Variants in KSR2 observed in about 807,000 individuals in gnomAD.
KSR2 encodes kinase suppressor of ras 2.
A neutral mutation model predicts 107.8 loss-of-function variants in KSR2; 25 were observed. The ratio of observed to expected loss-of-function variants is 0.23; its 90% confidence interval spans 0.17 to 0.32. The LOEUF is 0.32. KSR2 is among the 10% of genes least tolerant of loss of function. The pLI is 1.00. For synonymous variants in KSR2, 480 were observed against 507.0 expected, an observed-to-expected ratio of 0.95 and a Z score of 0.71; for missense variants, 887 against 1,268.9, an observed-to-expected ratio of 0.70 and a Z score of 4.57.
intron 3 of KSR2, among the ~76,000 whole-genome samples, chr12:117,777,107 T>TATATATACAC (rs58787858): frequency 2.7e-3 from 178 of 66,144 alleles, no homozygotes; most frequent in African/African-American, 0.01. Context: ...TATATATATA[T>TATATATACAC]ACACACACAC....
At chr12:117,809,066 C>A (rs1224542504) in intron 3 of KSR2, among the ~76,000 whole-genome samples, 1 of 152,136 alleles carries the variant, frequency 6.6e-6, no homozygotes, top group Non-Finnish European at 1.5e-5. Context: ...GACTCCCCAC[C>A]CCCCGCCTCT....
intron 5 of KSR2, among the ~76,000 whole-genome samples, chr12:117,655,261 T>C (rs1038257572): frequency 2.0e-5 from 3 of 152,210 alleles, no homozygotes; most frequent in East Asian, 1.9e-4. Flanking sequence ...CCACACAGCA[T>C]TGCCTCTGAC....
At chr12:117,793,938 CA>C (rs1890436006) in intron 3 of KSR2, among the ~76,000 whole-genome samples, 1 of 133,208 alleles carries the variant, frequency 7.5e-6, no homozygotes, top group African/African-American at 2.9e-5. Flanking sequence ...ACCATGCACA[CA>C]TACACCAACA....
intron 3 of KSR2, among the ~76,000 whole-genome samples, chr12:117,827,081 T>C (rs1342859970): frequency 6.6e-6 from 1 of 151,066 alleles, no homozygotes; most frequent in Non-Finnish European, 1.5e-5. Context: ...AGTAGCTCTC[T>C]TTTATAGATG....
intron 4 of KSR2, among the ~76,000 whole-genome samples, chr12:117,669,433 C>T (rs1270197062): frequency 6.6e-6 from 1 of 152,132 alleles, no homozygotes; most frequent in Non-Finnish European, 1.5e-5. Context: ...AACAGAGCTA[C>T]TCGTCCACAT....
intron 4 of KSR2, among the ~76,000 whole-genome samples, chr12:117,697,357 G>A (rs769037017): frequency 1.3e-5 from 2 of 152,188 alleles, no homozygotes; most frequent in Non-Finnish European, 2.9e-5. Flanking sequence ...TCTTGATCAG[G>A]GAGCTGGTTA....
chr12:117,953,819 G>A (rs1566097857), intron 1 of KSR2, among the ~76,000 whole-genome samples: 1 of 152,222 alleles, frequency 6.6e-6, no homozygotes. Context: ...AGGGCACAGT[G>A]ACTCATGCCT....
intron 5 of KSR2, among the ~76,000 whole-genome samples, chr12:117,633,069 T>C (rs1017245452): frequency 3.3e-5 from 5 of 152,216 alleles, no homozygotes; most frequent in African/African-American, 1.2e-4. Flanking sequence ...TCAGGTACAA[T>C]TGTTAAAAAG....
chr12:117,877,874 C>T (rs1005977538), intron 1 of KSR2, among the ~76,000 whole-genome samples: 5 of 152,190 alleles, frequency 3.3e-5, no homozygotes, highest in Admixed American at 6.5e-5. Context: ...GGGACAGGGG[C>T]TTCTCTTTTC....
chr12:117,785,443 A>AG (rs1890035435), intron 3 of KSR2, among the ~76,000 whole-genome samples: 1 of 144,674 alleles, frequency 6.9e-6, no homozygotes, highest in East Asian at 2.0e-4. Context: ...AAAAAAAAAA[A>AG]GCAATCAATA....
chr12:117,681,353 G>T (rs1032506495), intron 4 of KSR2, among the ~76,000 whole-genome samples: 1 of 152,028 alleles, frequency 6.6e-6, no homozygotes, highest in South Asian at 2.1e-4. Flanking sequence ...TGAGTAACTG[G>T]GTGGGAAGGC....
At chr12:117,740,564 T>C (rs1330380913) in intron 4 of KSR2, among the ~76,000 whole-genome samples, 3 of 130,072 alleles carry the variant, frequency 2.3e-5, no homozygotes, top group East Asian at 2.1e-4. Context: ...AATATATGAA[T>C]ATATAACATA....
intron 1 of KSR2, among the ~76,000 whole-genome samples, chr12:117,868,094 G>A (rs1893535777): frequency 6.6e-6 from 1 of 152,192 alleles, no homozygotes; most frequent in African/African-American, 2.4e-5. Context: ...GGGTTAAGGT[G>A]TCCTTGCTAG....
At chr12:117,806,561 G>A (rs778642075) in intron 3 of KSR2, among the ~76,000 whole-genome samples, 7 of 152,048 alleles carry the variant, frequency 4.6e-5, no homozygotes, top group African/African-American at 7.2e-5. Context: ...ACACTTCAAC[G>A]GCATTTACAG....
rs1482085252 is a variant in KSR2, at chr12:117,761,026, T to G, written c.971A>C (p.Glu324Ala). The G allele has an allele frequency of 6.2e-7, 1 of 1,613,556 alleles. No individual in the cohort carries two copies. The highest frequency in any genetic ancestry group is 8.5e-7 in the Non-Finnish European group (1 of 1,179,726). The change falls in exon 4 of 20, where the codon GAG becomes GCG. Residue 324 changes from glutamate (E) to alanine (A), a missense_variant. Transcript: ENST00000339824. ...HEFQLGHRVD[E>A]AHTPKAKKKS... ...TCGCACTCACTTGGGCGTGTGGGCCTCGTCCACGCGGTGCCCCAGCTGGAA... is the reference window on the plus strand; with the variant it reads ...TCGCACTCACTTGGGCGTGTGGGCCGCGTCCACGCGGTGCCCCAGCTGGAA...
intron 4 of KSR2, among the ~76,000 whole-genome samples, chr12:117,674,049 C>T (rs141747135): frequency 2.0e-5 from 3 of 152,284 alleles, no homozygotes; most frequent in African/African-American, 7.2e-5. Flanking sequence ...TAGGGAAAGA[C>T]ACTCAGCTCC....
At chr12:117,560,013 C>T (rs1878003512) in intron 7 of KSR2, among the ~76,000 whole-genome samples, 1 of 152,066 alleles carries the variant, frequency 6.6e-6, no homozygotes, top group African/African-American at 2.4e-5. Context: ...ACAGTTGCCC[C>T]CTACTCTCTT....
In KSR2 at chr12:117,457,360, G is replaced by A. The variant is rs1398904320; in HGVS notation, c.*9839C>T. ...CTGGAGACAACTCAGGGGACATCTG[G>A]CAATGTCTGGAGATGGTTTTGGATG... On this transcript the variant is annotated 3_prime_UTR_variant, in exon 20 of 20. Coordinates refer to ENST00000339824, the MANE Select transcript of KSR2 (RefSeq NM_173598.6). The A allele has an allele frequency of 6.6e-6, 1 of 152,206 alleles. No homozygotes were observed. The highest frequency in any genetic ancestry group is 1.5e-5 in the Non-Finnish European group (1 of 68,038). 9.4% of individuals were successfully genotyped at this position (152,206 alleles called of 1,614,324 possible).
intron 1 of KSR2, among the ~76,000 whole-genome samples, chr12:117,918,733 AG>A (rs1463391639): frequency 6.6e-6 from 1 of 151,276 alleles, no homozygotes; most frequent in African/African-American, 2.4e-5. Context: ...GGTTGTGGTG[AG>A]CCAAGATCGC....
Sources: allele counts gnomAD v4.1 joint callset (sites outside exome capture counted in the v4.1 genomes callset), GRCh38; gene constraint gnomAD v4.1.1; transcripts MANE v1.5; gene names NCBI Gene and HGNC (gene_info 2026-07-23, HGNC 2026-07-21).